Variants in MARCHF3 observed in about 807,000 individuals in gnomAD.
MARCHF3 encodes the protein E3 ubiquitin-protein ligase MARCHF3.
A neutral mutation model predicts 24.2 loss-of-function variants in MARCHF3; 13 were observed. The observed-to-expected ratio is 0.54, with a 90% CI of 0.35 to 0.85. The LOEUF is 0.85. MARCHF3 is among the 40% of genes least tolerant of loss of function. The pLI, the probability that MARCHF3 is intolerant of heterozygous loss-of-function variation, is 0.01. For missense variants in MARCHF3, 276 were observed against 325.0 expected (o/e 0.85, Z 1.16); for synonymous variants, 144 against 137.3 (o/e 1.05, Z -0.34).
chr5:126,922,556 T>A (rs866036788), intron 1 of MARCHF3, among the ~76,000 whole-genome samples: 33 of 120,136 alleles, frequency 2.7e-4, no homozygotes, highest in Admixed American at 1.8e-3. Flanking sequence ...TTATTTATTA[T>A]TTATTTTTGA....
chr5:126,985,577 C>A (rs1056273351), intron 1 of MARCHF3, among the ~76,000 whole-genome samples: 1 of 151,384 alleles, frequency 6.6e-6, no homozygotes, highest in African/African-American at 2.4e-5. Flanking sequence ...TCAAGCAATT[C>A]CCCTGCCTCA....
At chr5:126,960,016 A>T (rs1750588181) in intron 1 of MARCHF3, among the ~76,000 whole-genome samples, 1 of 152,114 alleles carries the variant, frequency 6.6e-6, no homozygotes. Context: ...GAGGGGTTTG[A>T]GTTAGAGTTT....
intron 3 of MARCHF3, among the ~76,000 whole-genome samples, chr5:126,911,017 G>A (rs373307379): frequency 6.6e-6 from 1 of 152,166 alleles, no homozygotes; most frequent in Admixed American, 6.5e-5. Context: ...GATGAAATAA[G>A]CCCCAGTCTC....
chr5:126,896,066 G>A (rs1191813297), intron 3 of MARCHF3, among the ~76,000 whole-genome samples: 4 of 152,124 alleles, frequency 2.6e-5, no homozygotes, highest in Admixed American at 1.3e-4. Flanking sequence ...GGAGTGACCC[G>A]ATTTTCCAGG....
intron 1 of MARCHF3, among the ~76,000 whole-genome samples, chr5:126,957,398 G>T (rs1197557789): frequency 2.0e-5 from 3 of 151,918 alleles, no homozygotes; most frequent in Non-Finnish European, 2.9e-5. Context: ...CATTTTTTCT[G>T]CAGTCTCTTC....
intron 3 of MARCHF3, among the ~76,000 whole-genome samples, chr5:126,885,130 C>T (rs1325157653): frequency 6.6e-6 from 1 of 152,208 alleles, no homozygotes; most frequent in African/African-American, 2.4e-5. Flanking sequence ...CAAGAGCACA[C>T]AACACTCTCT....
chr5:126,946,784 G>GTGTGTGTGTGTGTC (rs1554067645), intron 1 of MARCHF3, among the ~76,000 whole-genome samples: 2 of 151,548 alleles, frequency 1.3e-5, no homozygotes, highest in East Asian at 3.9e-4. Context: ...GTGTGTGTGT[G>GTGTGTGTGTGTGTC]TGTGTGTGTG....
chr5:126,902,996 C>G (rs1170198863), intron 3 of MARCHF3, among the ~76,000 whole-genome samples: 5 of 152,204 alleles, frequency 3.3e-5, no homozygotes, highest in African/African-American at 1.2e-4. Flanking sequence ...ATTGTATTCT[C>G]ACCACTGTCC....
At chr5:126,929,471 G>A (rs1273580177) in intron 1 of MARCHF3, among the ~76,000 whole-genome samples, 2 of 152,144 alleles carry the variant, frequency 1.3e-5, no homozygotes, top group Admixed American at 1.3e-4. Flanking sequence ...TTTCATTTGG[G>A]AGCTATCCAA....
intron 1 of MARCHF3, among the ~76,000 whole-genome samples, chr5:126,940,278 C>T (rs73337229): frequency 0.094 from 14,242 of 152,152 alleles, 1,498 homozygotes; most frequent in African/African-American, 0.26. Flanking sequence ...AATCCATGAA[C>T]AATGAGGATT....
chr5:127,021,618 G>T (rs950208955), intron 1 of MARCHF3, among the ~76,000 whole-genome samples: 13 of 152,288 alleles, frequency 8.5e-5, no homozygotes, highest in Admixed American at 5.9e-4. Flanking sequence ...TTGCTAATTT[G>T]CAGTGCAAGT....
intron 1 of MARCHF3, among the ~76,000 whole-genome samples, chr5:126,919,682 C>T (rs770115426): frequency 3.9e-5 from 6 of 152,194 alleles, no homozygotes; most frequent in Non-Finnish European, 1.5e-5. Context: ...GTTTCCCTCC[C>T]GACACGCACA....
chr5:126,915,872 C>T, intron 2 of MARCHF3, among the ~76,000 whole-genome samples: 1 of 152,218 alleles, frequency 6.6e-6, no homozygotes, highest in Non-Finnish European at 1.5e-5. Context: ...ATCTGGCTGG[C>T]TGGGCTCAGA....
chr5:126,895,969 G>A (rs1052271939), intron 3 of MARCHF3, among the ~76,000 whole-genome samples: 6 of 152,138 alleles, frequency 3.9e-5, no homozygotes, highest in Admixed American at 2.6e-4. Flanking sequence ...GCGAGAATCC[G>A]TGGGTGTAGG....
chr5:126,953,508 A>G (rs1241534473), intron 1 of MARCHF3, among the ~76,000 whole-genome samples: 3 of 152,138 alleles, frequency 2.0e-5, no homozygotes, highest in African/African-American at 7.2e-5. Context: ...TTCTGCTTTT[A>G]TATTGATGAA....
chr5:126,870,705 A>G lies in MARCHF3; in HGVS notation c.690T>C (p.Asn230=), dbSNP rs1357982270. 6.2e-7 allele frequency: 1 copy of G among 1,614,216 alleles called. No homozygotes were observed. The highest frequency in any genetic ancestry group is 1.1e-5 in the South Asian group (1 of 91,082). Residue 230 remains asparagine (N), a synonymous_variant, in exon 5 of 5, where the codon AAT becomes AAC. Coordinates refer to ENST00000308660, the MANE Select transcript of MARCHF3 (RefSeq NM_178450.5). ...GCAAGGACGGCTGGTTAGAAGGTAC[A>G]TTGACAGACTTTGGAATGAGGAGAA... The part of the protein sequence containing the change: ...RVILLIPKSV[N]VPSNQPSLLG...
chr5:126,890,013 T>G, intron 3 of MARCHF3, among the ~76,000 whole-genome samples: 1 of 152,196 alleles, frequency 6.6e-6, no homozygotes, highest in East Asian at 1.9e-4. Context: ...TCTAGATTAG[T>G]AGCATCCTCA....
At chr5:126,958,160 A>G (rs150494309) in intron 1 of MARCHF3, among the ~76,000 whole-genome samples, 2 of 152,294 alleles carry the variant, frequency 1.3e-5, no homozygotes, top group East Asian at 3.9e-4. Flanking sequence ...AATATAACAT[A>G]CAAATCATGG....
chr5:126,981,037 T>A (rs1751377440), intron 1 of MARCHF3, among the ~76,000 whole-genome samples: 1 of 152,234 alleles, frequency 6.6e-6, no homozygotes, highest in South Asian at 2.1e-4. Context: ...ATCAGCCTGG[T>A]GAGCACTGAC....
Sources: gnomAD v4.1 joint callset for allele counts (sites outside exome capture counted in the v4.1 genomes callset) on GRCh38, gnomAD v4.1.1 for gene constraint, MANE v1.5 for transcripts, NCBI Gene and HGNC (gene_info 2026-07-23, HGNC 2026-07-21) for gene names.